The following CUL5 variants were observed in gnomAD, a reference collection of about 807,000 sequenced individuals.
CUL5 encodes the protein cullin-5.
A neutral mutation model predicts 108.8 loss-of-function variants in CUL5; 26 were observed. The observed-to-expected ratio is 0.24, with a 90% CI of 0.18 to 0.33. CUL5 has a LOEUF of 0.33. Ranked by LOEUF, CUL5 falls within the 10% of genes least tolerant of loss-of-function variation. The pLI is 1.00. For synonymous variants in CUL5, 334 were observed against 298.0 expected, an observed-to-expected ratio of 1.12 and a Z score of -1.25; for missense variants, 524 against 909.2, an observed-to-expected ratio of 0.58 and a Z score of 5.45.
chr11:108,071,183 A>G (rs1001280549), intron 8 of CUL5, among the ~76,000 whole-genome samples: 6 of 152,206 alleles, frequency 3.9e-5, no homozygotes, highest in African/African-American at 1.2e-4. Flanking sequence ...ATATGGCTGT[A>G]TATGTAGTAT....
At chr11:108,032,979 A>G (rs1423445899) in intron 1 of CUL5, among the ~76,000 whole-genome samples, 2 of 152,208 alleles carry the variant, frequency 1.3e-5, no homozygotes, top group African/African-American at 4.8e-5. Flanking sequence ...TCTGACACCA[A>G]CTGTAAGCTT....
At chr11:108,077,005 A>G (rs1329326723) in intron 10 of CUL5, among the ~76,000 whole-genome samples, 1 of 152,236 alleles carries the variant, frequency 6.6e-6, no homozygotes, top group Non-Finnish European at 1.5e-5. Flanking sequence ...TCTGGAGCTT[A>G]AGAGAAAGAA....
At position 108,104,336 on chromosome 11, in the gene CUL5, C is replaced by T. The variant is rs1263084984; in HGVS notation, c.2295C>T (p.Tyr765=). Residue 765 remains tyrosine, a synonymous_variant, in exon 19 of 19, where the codon TAC becomes TAT. Transcript: ENST00000393094. Reference sequence around the variant, plus strand: ...TAGAGTGGCTAATAGAGCACAAATACATCAGAAGAGATGAATCTGATATCA... The same window carrying T: ...TAGAGTGGCTAATAGAGCACAAATATATCAGAAGAGATGAATCTGATATCA... ...EQIEWLIEHK[Y]IRRDESDINT... is the part of the protein sequence containing the mutation. 5 of 1,590,896 alleles carry T rather than the reference C, an allele frequency of 3.1e-6. No individual in the cohort carries two copies. The highest frequency in any genetic ancestry group is 2.3e-5 in the East Asian group (1 of 44,052).
At chr11:108,092,062 A>C (rs575395364) in intron 13 of CUL5, among the ~76,000 whole-genome samples, 12 of 152,268 alleles carry the variant, frequency 7.9e-5, no homozygotes, top group African/African-American at 2.9e-4. Flanking sequence ...GCTTGAGCCC[A>C]GAAGTTCAAA....
chr11:108,103,090 C>T (rs1259567652), intron 18 of CUL5, among the ~76,000 whole-genome samples: 1 of 152,182 alleles, frequency 6.6e-6, no homozygotes, highest in Non-Finnish European at 1.5e-5. Context: ...GCCACCACAC[C>T]CGGCATATAC....
intron 3 of CUL5, among the ~76,000 whole-genome samples, chr11:108,048,604 A>G (rs1284755034): frequency 6.7e-6 from 1 of 148,932 alleles, no homozygotes; most frequent in African/African-American, 2.5e-5. Flanking sequence ...AGTAAATCAC[A>G]GGACCAGCCC....
At chr11:108,078,915 A>G (rs1181156212) in intron 11 of CUL5, among the ~76,000 whole-genome samples, 2 of 152,100 alleles carry the variant, frequency 1.3e-5, no homozygotes, top group African/African-American at 2.4e-5. Flanking sequence ...TGCTTGAGTA[A>G]TATTACAGTG....
intron 11 of CUL5, 72 bp downstream of exon 11, chr11:108,078,312 C>T: frequency 4.1e-6 from 3 of 732,342 alleles, no homozygotes; most frequent in Non-Finnish European, 6.7e-6. Context: ...ACTAGGTATA[C>T]AAAGTACCCT....
At chr11:108,051,631 G>A (rs566889578) in intron 4 of CUL5, among the ~76,000 whole-genome samples, 3 of 152,256 alleles carry the variant, frequency 2.0e-5, no homozygotes, top group African/African-American at 7.2e-5. Context: ...AATCACCAAT[G>A]TTTATATACC....
At chr11:108,011,123 G>C (rs1189964037) in intron 1 of CUL5, among the ~76,000 whole-genome samples, 2 of 152,122 alleles carry the variant, frequency 1.3e-5, no homozygotes, top group Non-Finnish European at 2.9e-5. Context: ...CGTGATTCTG[G>C]AAAATTTTGA....
chr11:108,081,596 C>G (rs1053679155), intron 11 of CUL5, among the ~76,000 whole-genome samples: 20 of 151,582 alleles, frequency 1.3e-4, no homozygotes, highest in African/African-American at 3.6e-4. Context: ...ACTAAAAATA[C>G]AAAAAATTAG....
intron 18 of CUL5, among the ~76,000 whole-genome samples, chr11:108,103,646 A>G (rs1044156292): frequency 6.6e-6 from 1 of 152,232 alleles, no homozygotes; most frequent in African/African-American, 2.4e-5. Flanking sequence ...ATACCAGGTT[A>G]TATACACATT....
chr11:108,059,824 C>T (rs1435838580), intron 7 of CUL5, among the ~76,000 whole-genome samples: 2 of 150,748 alleles, frequency 1.3e-5, no homozygotes, highest in Non-Finnish European at 2.9e-5. Flanking sequence ...GCGGAGGTTG[C>T]AGTAAGGAGA....
chr11:108,047,881 T>G (rs376046804), intron 3 of CUL5, among the ~76,000 whole-genome samples: 1 of 152,204 alleles, frequency 6.6e-6, no homozygotes, highest in Non-Finnish European at 1.5e-5. Context: ...AATAAACTTA[T>G]GAAGAATTAC....
At position 108,033,888 on chromosome 11, in the gene CUL5, A is replaced by G. The variant is rs751727258; in HGVS notation, c.111A>G (p.Lys37=). Residue 37 remains lysine (K), a synonymous_variant, in exon 2 of 19, where the codon AAA becomes AAG. Transcript: ENST00000393094. ...LKLLRQESVT[K]QQWFDLFSDV... is the part of the protein sequence containing the mutation. ...TTTTACGCCAGGAATCTGTTACAAA[A>G]CAGCAGTGGTTTGATCTGTTTTCGT... The G allele has an allele frequency of 3.1e-6, 5 of 1,612,164 alleles. No homozygotes were observed. The African/African-American group carries it at 6.7e-5, about 22-fold the overall frequency.
intron 18 of CUL5, among the ~76,000 whole-genome samples, chr11:108,099,602 A>C (rs982545475): frequency 2.0e-5 from 3 of 152,236 alleles, no homozygotes; most frequent in Admixed American, 6.5e-5. Context: ...GTTGTAATTT[A>C]GACACAATGG....
At chr11:108,077,455 C>A (rs1863967313) in intron 10 of CUL5, among the ~76,000 whole-genome samples, 1 of 151,906 alleles carries the variant, frequency 6.6e-6, no homozygotes, top group Admixed American at 6.6e-5. Context: ...CATGATGAAA[C>A]CCTGTCTCTA....
chr11:108,031,420 A>G (rs1862580709), intron 1 of CUL5, among the ~76,000 whole-genome samples: 1 of 152,036 alleles, frequency 6.6e-6, no homozygotes, highest in Non-Finnish European at 1.5e-5. Flanking sequence ...GTGTACTAGA[A>G]AGTTAGGTTT....
chr11:108,093,772 A>G (rs769065948), intron 13 of CUL5, among the ~76,000 whole-genome samples: 9 of 152,188 alleles, frequency 5.9e-5, no homozygotes, highest in Non-Finnish European at 1.3e-4. Flanking sequence ...CAGTGACACA[A>G]TCAGAGCTTA....
Sources: allele counts gnomAD v4.1 joint callset (sites outside exome capture counted in the v4.1 genomes callset), GRCh38; gene constraint gnomAD v4.1.1; transcripts MANE v1.5; gene names NCBI Gene and HGNC (gene_info 2026-07-23, HGNC 2026-07-21).